ACTN1: variants seen among roughly 807,000 people sequenced by gnomAD.
The protein encoded by ACTN1 is alpha-actinin-1.
Under a neutral mutation model 119.6 loss-of-function variants are expected in ACTN1, and 30 were observed. The ratio of observed to expected loss-of-function variants is 0.25; its 90% CI spans 0.19 to 0.34. The LOEUF (loss-of-function observed/expected upper bound fraction) is 0.34, where lower values mean the gene tolerates loss of function less well. Among genes scored for constraint, ACTN1 ranks in the 10% least tolerant of loss-of-function variants. The probability of loss-of-function intolerance (pLI) is 1.00; values close to 1 mark genes in which losing one functional copy is unlikely to be tolerated. For synonymous variants in ACTN1, 429 were observed against 472.6 expected, an observed-to-expected ratio of 0.91 and a Z score of 1.20; for missense variants, 764 against 1,223.4, an observed-to-expected ratio of 0.62 and a Z score of 5.60.
At chr14:68,928,491 G>A (rs914683790) in intron 1 of ACTN1, among the ~76,000 whole-genome samples, 3 of 152,074 alleles carry the variant, frequency 2.0e-5, no homozygotes, top group Non-Finnish European at 4.4e-5. Flanking sequence ...GCTGTGACCC[G>A]GTGATCAACA....
chr14:68,912,997 C>T (rs2034092964), intron 3 of ACTN1, among the ~76,000 whole-genome samples: 1 of 152,168 alleles, frequency 6.6e-6, no homozygotes, highest in Non-Finnish European at 1.5e-5. Flanking sequence ...TTGTAAATTG[C>T]CATCTTGAAC....
intron 8 of ACTN1, among the ~76,000 whole-genome samples, chr14:68,899,466 CAT>C (rs1555348105): frequency 9.1e-6 from 1 of 110,482 alleles, no homozygotes; most frequent in Non-Finnish European, 2.0e-5. Flanking sequence ...CCACACTCCA[CAT>C]ACACACACCA....
At chr14:68,887,896 G>A (rs556284936) in intron 11 of ACTN1, 333 of 887,552 alleles carry the variant, frequency 3.8e-4, no homozygotes, top group Non-Finnish European at 5.2e-4. Context: ...TAGCCACTTC[G>A]GCCTGTTTTC....
chr14:68,978,091 C>A (rs1195179859), intron 1 of ACTN1: 2 of 455,112 alleles, frequency 4.4e-6, no homozygotes, highest in Non-Finnish European at 8.8e-6. Context: ...GGGCGCGCAC[C>A]CGGCACACCG....
At chr14:68,961,645 T>C (rs2036546468) in intron 1 of ACTN1, among the ~76,000 whole-genome samples, 1 of 152,146 alleles carries the variant, frequency 6.6e-6, no homozygotes, top group African/African-American at 2.4e-5. Context: ...CACAGGGTCT[T>C]GGATAAAAAT....
intron 1 of ACTN1, chr14:68,978,611 C>G (rs2140737653): frequency 3.5e-6 from 1 of 288,324 alleles, no homozygotes; most frequent in South Asian, 3.7e-5. Flanking sequence ...GGTCTCAGCC[C>G]CAGCCTGAAG....
At chr14:68,884,408 T>C (rs2031825061) in intron 13 of ACTN1, 100 bp from the exon 14 acceptor site, 4 of 1,379,922 alleles carry the variant, frequency 2.9e-6, no homozygotes, top group African/African-American at 1.5e-5. Context: ...CTAGAAGCAC[T>C]GACTCAATCA....
intron 3 of ACTN1, 127 bp from the exon 4 acceptor site, chr14:68,912,369 AG>A: frequency 1.3e-6 from 1 of 744,204 alleles, no homozygotes; most frequent in South Asian, 1.7e-5. Flanking sequence ...CTACTTCTAG[AG>A]GGAAACAGGA....
intron 1 of ACTN1, among the ~76,000 whole-genome samples, chr14:68,951,170 C>T (rs2036154557): frequency 6.6e-6 from 1 of 152,208 alleles, no homozygotes; most frequent in African/African-American, 2.4e-5. Context: ...GGGTGACGGG[C>T]AGGCTCCTCC....
chr14:68,925,760 A>G lies in ACTN1; in HGVS notation c.106-88T>C. 1 of 1,026,224 alleles carries G rather than the reference A, an allele frequency of 9.7e-7. No homozygotes were observed. 63.6% of individuals were successfully genotyped at this position (1,026,224 alleles called of 1,614,324 possible). On this transcript the variant is annotated intron_variant, in intron 1 of 21. Transcript: ENST00000394419. The surrounding 1 kb of genome is among the most constrained non-coding windows in gnomAD (Gnocchi z 4.3). ...CCATTTAATGGTGCCAGGGGGTGGG[A>G]GGTGGACACCTACTCAGCAGAGCCT... is the stretch of plus-strand genomic sequence containing the variant.
intron 9 of ACTN1, among the ~76,000 whole-genome samples, chr14:68,893,275 C>T (rs142397841): frequency 1.2e-3 from 190 of 152,288 alleles, no homozygotes; most frequent in African/African-American, 4.4e-3. Flanking sequence ...ACTAATTTAC[C>T]GAAAACCCTA....
intron 1 of ACTN1, among the ~76,000 whole-genome samples, chr14:68,956,585 T>G (rs1435682649): frequency 6.6e-6 from 1 of 152,116 alleles, no homozygotes; most frequent in Non-Finnish European, 1.5e-5. Context: ...AATATAGCCT[T>G]GGAGTGAACC....
chr14:68,918,210 T>C (rs1013193383), intron 3 of ACTN1, among the ~76,000 whole-genome samples: 8 of 152,188 alleles, frequency 5.3e-5, no homozygotes, highest in Non-Finnish European at 1.2e-4. Flanking sequence ...ACGCCAGTGT[T>C]CCTCTCACTC....
At chr14:68,883,342 C>G (rs1407240764) in intron 14 of ACTN1, 1 of 371,918 alleles carries the variant, frequency 2.7e-6, no homozygotes, top group African/African-American at 2.0e-5. Flanking sequence ...GGCTCACTAC[C>G]CAGGTGACCT....
At position 68,898,496 on chromosome 14, in the gene ACTN1, C is replaced by T. The variant is rs139138304; in HGVS notation, c.762+3981G>A. Among the ~76,000 whole-genome samples, 200 of 152,246 alleles carry T rather than the reference C, an allele frequency of 1.3e-3. 1 individual carries two copies. Among genetic ancestry groups the T allele is most frequent in the African/African-American group, 4.6e-3 (193 of 41,528 alleles). ...CATACAAGGTTGGGCGACAGAAAGA[C>T]AGTGGAGAGGATGGAGGGCACTGGG... is the stretch of plus-strand genomic sequence containing the variant. On this transcript the variant is annotated intron_variant, in intron 8 of 21. Transcript: ENST00000394419.
In ACTN1 at chr14:68,979,068, C is replaced by T. The variant is rs752218294; in HGVS notation, c.-12G>A. 1 of 1,526,278 alleles carries T rather than the reference C, an allele frequency of 6.6e-7. No homozygotes were observed. Among genetic ancestry groups the T allele is most frequent in the Non-Finnish European group, 8.9e-7 (1 of 1,123,906 alleles). 94.5% of individuals were successfully genotyped at this position (1,526,278 alleles called of 1,614,324 possible). A position where few individuals can be genotyped will look rare whatever the true frequency, so the allele number is the denominator to read the frequency against. ...TCATAATGGTCCATGATGGTGCGCG[C>T]GTGCTAGGGTCTGGATTTCTTCCTC... On this transcript the variant is annotated 5_prime_UTR_variant, in exon 1 of 22. Transcript: ENST00000394419.
chr14:68,875,057 C>A, intron 21 of ACTN1, 40 bp from the exon 22 acceptor site: 3 of 1,607,580 alleles, frequency 1.9e-6, no homozygotes, highest in Non-Finnish European at 2.5e-6. Flanking sequence ...CAAAGTCCAG[C>A]AGCCGTAAAG....
At chr14:68,947,281 CCT>C (rs2140517571) in intron 1 of ACTN1, 1 of 152,344 alleles carries the variant, frequency 6.6e-6, no homozygotes, top group African/African-American at 2.4e-5. Context: ...TCTCACCACA[CCT>C]CTGTGTGGAG....
At chr14:68,950,462 G>GTGTGTGTGTGTGTGTGTGTGTATACATA in intron 1 of ACTN1, among the ~76,000 whole-genome samples, 1 of 125,912 alleles carries the variant, frequency 7.9e-6, no homozygotes, top group African/African-American at 4.1e-5. Context: ...ATGCGTGTGT[G>GTGTGTGTGTGTGTGTGTGTGTATACATA]TATATATATA....
Sources: allele counts gnomAD v4.1 joint callset (sites outside exome capture counted in the v4.1 genomes callset), GRCh38; gene constraint gnomAD v4.1.1; non-coding constraint Gnocchi (gnomAD v3.1); transcripts MANE v1.5; gene names NCBI Gene and HGNC (gene_info 2026-07-23, HGNC 2026-07-21).